Variants in TCF4 observed in about 807,000 individuals in gnomAD.
TCF4 encodes transcription factor 4, also known as SL3-3 enhancer factor 2.
TCF4 carries 3 observed loss-of-function variants against 82.1 expected under a neutral mutation model. That is an observed-to-expected ratio of 0.04 (90% CI 0.02 to 0.09). TCF4 has a LOEUF of 0.09. Among genes scored for constraint, TCF4 ranks in the 10% least tolerant of loss-of-function variants. The pLI is 1.00. For missense variants in TCF4, 518 were observed against 852.7 expected, an observed-to-expected ratio of 0.61 and a Z score of 4.89; for synonymous variants, 276 against 309.6, an observed-to-expected ratio of 0.89 and a Z score of 1.14.
At chr18:55,586,933 C>A in intron 2 of TCF4, 112 bp downstream of exon 2, 1 of 905,160 alleles carries the variant, frequency 1.1e-6, no homozygotes. Flanking sequence ...AGGATTCAGC[C>A]AATTAAAAAT....
chr18:55,416,861 T>C (rs987945644), intron 5 of TCF4, among the ~76,000 whole-genome samples: 2 of 152,218 alleles, frequency 1.3e-5, no homozygotes, highest in African/African-American at 2.4e-5. Flanking sequence ...TTTTGTGGCA[T>C]ATAGGTCACT....
chr18:55,411,457 T>C (rs1862159247), intron 5 of TCF4, among the ~76,000 whole-genome samples: 2 of 152,186 alleles, frequency 1.3e-5, no homozygotes, highest in Non-Finnish European at 2.9e-5. Context: ...AAGAACATAA[T>C]AGTTTTTCAT....
intron 3 of TCF4, among the ~76,000 whole-genome samples, chr18:55,490,748 C>A (rs558977606): frequency 6.6e-6 from 1 of 152,124 alleles, no homozygotes; most frequent in Non-Finnish European, 1.5e-5. Flanking sequence ...GAAAGGAATA[C>A]GGAGATGACC....
intron 2 of TCF4, among the ~76,000 whole-genome samples, chr18:55,609,360 C>T (rs2097705070): frequency 6.6e-6 from 1 of 152,098 alleles, no homozygotes. Context: ...AGGCAATAGT[C>T]TAGGAGTGTC....
intron 3 of TCF4, among the ~76,000 whole-genome samples, chr18:55,543,708 T>G (rs904005833): frequency 3.3e-5 from 5 of 152,154 alleles, no homozygotes; most frequent in Non-Finnish European, 5.9e-5. Flanking sequence ...ACCCAGAAAC[T>G]AACTGCTTTT....
chr18:55,251,929 G>GGTTT (rs1555756377), intron 15 of TCF4, among the ~76,000 whole-genome samples: 1 of 90,964 alleles, frequency 1.1e-5, no homozygotes, highest in Non-Finnish European at 2.4e-5. Flanking sequence ...AGGGGGATGA[G>GGTTT]GTTTTTTTTT....
chr18:55,464,194 T>C (rs1044990606), intron 3 of TCF4, 57 bp from the exon 4 acceptor site: 5 of 1,433,926 alleles, frequency 3.5e-6, no homozygotes, highest in Non-Finnish European at 3.0e-6. Context: ...TCTTTTTGTA[T>C]ATGCACTTTC....
chr18:55,282,765 T>C (rs545514257), intron 8 of TCF4, among the ~76,000 whole-genome samples: 1 of 152,198 alleles, frequency 6.6e-6, no homozygotes, highest in South Asian at 2.1e-4. Flanking sequence ...CAAATTCTAG[T>C]ACCATGTACT....
chr18:55,485,595 G>C (rs575699809), intron 3 of TCF4, among the ~76,000 whole-genome samples: 1 of 152,294 alleles, frequency 6.6e-6, no homozygotes, highest in Non-Finnish European at 1.5e-5. Context: ...CACATGAATA[G>C]AATCAGCCAG....
At chr18:55,249,519 AAAC>A in intron 15 of TCF4, among the ~76,000 whole-genome samples, 1 of 152,246 alleles carries the variant, frequency 6.6e-6, no homozygotes, top group South Asian at 2.1e-4. Flanking sequence ...CTCCTCTACT[AAAC>A]AACCATGTGA....
At chr18:55,274,530 C>T (rs1208642695) in intron 10 of TCF4, among the ~76,000 whole-genome samples, 2 of 152,070 alleles carry the variant, frequency 1.3e-5, no homozygotes, top group African/African-American at 4.8e-5. Context: ...CTTATCTGTA[C>T]TGGTTGAGCA....
intron 2 of TCF4, among the ~76,000 whole-genome samples, chr18:55,612,897 G>A (rs1157663148): frequency 3.3e-5 from 5 of 151,970 alleles, no homozygotes; most frequent in Non-Finnish European, 4.4e-5. Flanking sequence ...GCAGTGAGCC[G>A]AGATCATGCC....
intron 2 of TCF4, among the ~76,000 whole-genome samples, chr18:55,628,241 A>T (rs1229389255): frequency 6.6e-6 from 1 of 152,122 alleles, no homozygotes; most frequent in Non-Finnish European, 1.5e-5. Flanking sequence ...TAGGAACTGG[A>T]TGACATTAAG....
Position 55,406,613 on chromosome 18 carries a change from CT to C in TCF4, c.305-3096del, listed in dbSNP as rs1436741897. ...TAGGATCCTTAAGTAACTATCTGTG[CT>C]CATGAACACAAAAGCTCTTAAATAT... On this transcript the variant is annotated intron_variant, in intron 5 of 19. Coordinates refer to ENST00000354452, the MANE Select transcript of TCF4 (RefSeq NM_001083962.2). Among the ~76,000 whole-genome samples, 4 of 152,262 alleles carry C rather than the reference CT, an allele frequency of 2.6e-5. No homozygotes were observed. The East Asian group carries it at 7.7e-4, about 29-fold the overall frequency.
At chr18:55,620,443 G>A (rs2097716596) in intron 2 of TCF4, among the ~76,000 whole-genome samples, 1 of 152,150 alleles carries the variant, frequency 6.6e-6, no homozygotes, top group African/African-American at 2.4e-5. Flanking sequence ...CTGGTCTTGT[G>A]AGAGTACTGA....
At chr18:55,327,687 T>C (rs1171862092) in intron 8 of TCF4, among the ~76,000 whole-genome samples, 1 of 152,138 alleles carries the variant, frequency 6.6e-6, no homozygotes, top group East Asian at 1.9e-4. Context: ...AAGCAATGGG[T>C]TGTTTTTTAA....
upstream of TCF4, chr18:55,588,357 G>A: frequency 1.3e-6 from 2 of 1,496,312 alleles, no homozygotes; most frequent in Non-Finnish European, 1.8e-6. Context: ...GACTTGCTCC[G>A]GGTCGGGCAG....
At chr18:55,487,160 C>G (rs1027582127) in intron 3 of TCF4, among the ~76,000 whole-genome samples, 4 of 152,172 alleles carry the variant, frequency 2.6e-5, no homozygotes, top group Admixed American at 6.5e-5. Flanking sequence ...TCACACCAGA[C>G]TCCTCACCGT....
chr18:55,241,083 C>T (rs1350478776), intron 15 of TCF4, among the ~76,000 whole-genome samples: 1 of 152,152 alleles, frequency 6.6e-6, no homozygotes, highest in African/African-American at 2.4e-5. Flanking sequence ...CTTGGCAGTG[C>T]TTGTCTATCA....
Sources: allele counts gnomAD v4.1 joint callset (sites outside exome capture counted in the v4.1 genomes callset), GRCh38; gene constraint gnomAD v4.1.1; transcripts MANE v1.5; gene names NCBI Gene and HGNC (gene_info 2026-07-23, HGNC 2026-07-21).